ACOX3: variants seen among roughly 807,000 people sequenced by gnomAD.
ACOX3 encodes acyl-CoA oxidase 3, pristanoyl.
ACOX3 carries 73 observed loss-of-function variants against 81.5 expected under a neutral mutation model. That is an observed-to-expected ratio of 0.90 (90% CI 0.74 to 1.09). The LOEUF (loss-of-function observed/expected upper bound fraction) is 1.09, where lower values mean the gene tolerates loss of function less well. ACOX3 is among the 50% of genes least tolerant of loss of function. The probability of loss-of-function intolerance (pLI) is 0.00; values close to 1 mark genes in which losing one functional copy is unlikely to be tolerated. For synonymous variants in ACOX3, 387 were observed against 375.1 expected (o/e 1.03, Z -0.37); for missense variants, 947 against 928.0 (o/e 1.02, Z -0.27).
At chr4:8,372,680 G>A (rs1368223810) in intron 16 of ACOX3, among the ~76,000 whole-genome samples, 2 of 152,238 alleles carry the variant, frequency 1.3e-5, no homozygotes, top group South Asian at 2.1e-4. Context: ...TCCCGAGAGA[G>A]GCTCAGAGCC....
chr4:8,391,224 T>G (rs1034369121), intron 11 of ACOX3, among the ~76,000 whole-genome samples: 1 of 152,196 alleles, frequency 6.6e-6, no homozygotes, highest in Non-Finnish European at 1.5e-5. Context: ...GAGTAACTTG[T>G]GTACAGCCAT....
At chr4:8,356,179 A>C in the ACOX3 span, 1 of 265,238 alleles carries the variant, frequency 3.8e-6, no homozygotes, top group Non-Finnish European at 7.5e-6. Flanking sequence ...CAGCAGGATG[A>C]GGAAGATTCT....
At chr4:8,420,323 T>C (rs2109002212) in intron 1 of ACOX3, among the ~76,000 whole-genome samples, 1 of 152,328 alleles carries the variant, frequency 6.6e-6, no homozygotes, top group Non-Finnish European at 1.5e-5. Flanking sequence ...TGGGTGACCT[T>C]CCTAAGATCT....
intron 1 of ACOX3, among the ~76,000 whole-genome samples, chr4:8,433,587 T>C (rs1052729048): frequency 7.2e-5 from 11 of 152,362 alleles, no homozygotes; most frequent in Non-Finnish European, 1.6e-4. Context: ...AAACACTGAA[T>C]GGGCTAGGGT....
chr4:8,416,149 G>A lies in ACOX3; in HGVS notation c.145-150C>T. ...CAGAGATATGACTATCATTCCCAAT[G>A]GACTAGAGGACTGGAGGCTTAAGAA... On this transcript the variant is annotated intron_variant, in intron 2 of 17. Coordinates refer to ENST00000356406, the MANE Select transcript of ACOX3 (RefSeq NM_003501.3). The surrounding 1 kb of genome is among the most constrained non-coding windows in gnomAD (Gnocchi z 4.2). 2.1e-6 allele frequency: 2 copies of A among 973,888 alleles called. No individual in the cohort carries two copies. The highest frequency in any genetic ancestry group is 3.1e-6 in the Non-Finnish European group (2 of 651,096). The allele number at this position is 973,888 out of a possible 1,614,324, so 60.3% of individuals were successfully genotyped here.
At chr4:8,433,415 G>A (rs2109047193) in intron 1 of ACOX3, among the ~76,000 whole-genome samples, 1 of 152,370 alleles carries the variant, frequency 6.6e-6, no homozygotes, top group East Asian at 1.9e-4. Context: ...GCCAATGATT[G>A]CTGGCAACCA....
chr4:8,368,947 T>C lies in ACOX3; in HGVS notation c.1984-1867A>G, dbSNP rs907781081. On this transcript the variant is annotated intron_variant, in intron 17 of 17. Coordinates refer to ENST00000356406, the MANE Select transcript of ACOX3 (RefSeq NM_003501.3). This position sits in a 1 kb window ranked among gnomAD's most constrained non-coding sequence, Gnocchi z 5.9. Reference sequence around the variant, plus strand: ...CGCCCGCCTCAGCCTTCCAAAGTGCTAGGATAACAGGTGTGAGCCACCATG... The same window carrying C: ...CGCCCGCCTCAGCCTTCCAAAGTGCCAGGATAACAGGTGTGAGCCACCATG... Among the ~76,000 whole-genome samples the C allele has an allele frequency of 6.6e-5, 10 of 152,124 alleles. No homozygotes were observed. Among genetic ancestry groups the C allele is most frequent in the Admixed American group, 1.3e-4 (2 of 15,276 alleles).
chr4:8,438,103 A>C (rs1163699423), intron 1 of ACOX3, among the ~76,000 whole-genome samples: 2 of 152,258 alleles, frequency 1.3e-5, no homozygotes, highest in Non-Finnish European at 2.9e-5. Flanking sequence ...CTCATGCTGG[A>C]GGCTATCGGT....
chr4:8,375,423 G>A (rs1400952271), intron 14 of ACOX3, among the ~76,000 whole-genome samples: 1 of 152,236 alleles, frequency 6.6e-6, no homozygotes, highest in South Asian at 2.1e-4. Flanking sequence ...TCCCGTCTGG[G>A]ACTGGGGTTG....
Position 8,387,318 on chromosome 4 carries a change from G to A in ACOX3, c.1537+1855C>T, listed in dbSNP as rs560740798. On this transcript the variant is annotated intron_variant, in intron 13 of 17. Transcript: ENST00000356406. The stretch of plus-strand genomic sequence containing the variant: ...CTGAGGGACTTGGTGTAGGTTCCAC[G>A]GCCAGCAGGAGGAGGGACCGGGATC... 1.6e-3 allele frequency among the ~76,000 whole-genome samples: 241 copies of A among 152,292 alleles called. 2 individuals are homozygous for A. The highest frequency in any genetic ancestry group is 1.9e-3 in the East Asian group (10 of 5,168).
At position 8,394,580 on chromosome 4, in the gene ACOX3, G is replaced by A. The variant is rs1165498881; in HGVS notation, c.1179+40C>T. 2 of 1,607,664 alleles carry A rather than the reference G, an allele frequency of 1.2e-6. No individual in the cohort carries two copies. The highest frequency in any genetic ancestry group is 3.3e-5 in the Admixed American group (2 of 59,810). ...AATCTATGCTGCTCCAACCGTGTGA[G>A]ATTTAAACGATGCTGCTGAGGAAGC... On this transcript the variant is annotated intron_variant, in intron 10 of 17. Coordinates refer to ENST00000356406, the MANE Select transcript of ACOX3 (RefSeq NM_003501.3). This position sits in a 1 kb window ranked among gnomAD's most constrained non-coding sequence, Gnocchi z 5.9.
At chr4:8,378,779 A>G (rs1717287163) in intron 14 of ACOX3, among the ~76,000 whole-genome samples, 1 of 152,244 alleles carries the variant, frequency 6.6e-6, no homozygotes, top group African/African-American at 2.4e-5. Context: ...AATGGTGGAT[A>G]GCAGTTACTG....
intron 14 of ACOX3, among the ~76,000 whole-genome samples, chr4:8,379,846 T>G (rs1481974576): frequency 6.6e-6 from 1 of 152,220 alleles, no homozygotes; most frequent in Admixed American, 6.5e-5. Flanking sequence ...AGTGCAGTGA[T>G]GTGATCACGG....
At chr4:8,433,229 C>T (rs1156814415) in intron 1 of ACOX3, among the ~76,000 whole-genome samples, 1 of 152,236 alleles carries the variant, frequency 6.6e-6, no homozygotes, top group African/African-American at 2.4e-5. Flanking sequence ...GCTCCCTAAT[C>T]TCAGTGACTG....
intron 1 of ACOX3, among the ~76,000 whole-genome samples, chr4:8,434,371 G>A (rs1724109974): frequency 6.6e-6 from 1 of 152,184 alleles, no homozygotes; most frequent in Non-Finnish European, 1.5e-5. Flanking sequence ...TCTGCAGCTC[G>A]TCCTGCTACA....
chr4:8,382,817 C>G lies in ACOX3; in HGVS notation c.1538-1210G>C, dbSNP rs2108829420. ...ACCATCCTGGCTAACACGGTGAAAC[C>G]CCGTCTCTACTAAAAATACAAAAAA... On this transcript the variant is annotated intron_variant, in intron 13 of 17. Coordinates refer to ENST00000356406, the MANE Select transcript of ACOX3 (RefSeq NM_003501.3). This position sits in a 1 kb window ranked among gnomAD's most constrained non-coding sequence, Gnocchi z 4.1. 2.0e-5 allele frequency among the ~76,000 whole-genome samples: 3 copies of G among 151,928 alleles called. No individual in the cohort carries two copies. In the East Asian group the frequency reaches 5.8e-4, roughly 30 times the overall value.
chr4:8,373,518 G>T, intron 16 of ACOX3, 43 bp downstream of exon 16: 2 of 1,604,778 alleles, frequency 1.2e-6, no homozygotes, highest in South Asian at 2.2e-5. Flanking sequence ...CTGGGCGGTT[G>T]TGTAACATGG....
rs143028175 is a variant in ACOX3, at chr4:8,384,491, C to T, written c.1538-2884G>A. 2.0e-5 allele frequency among the ~76,000 whole-genome samples: 3 copies of T among 152,176 alleles called. No individual in the cohort carries two copies. The highest frequency in any genetic ancestry group is 2.9e-5 in the Non-Finnish European group (2 of 68,030). On this transcript the variant is annotated intron_variant, in intron 13 of 17. Coordinates refer to ENST00000356406, the MANE Select transcript of ACOX3 (RefSeq NM_003501.3). This position sits in a 1 kb window ranked among gnomAD's most constrained non-coding sequence, Gnocchi z 5.3. ...GCTGGCGGCCTGAGGACACACCCAG[C>T]GTCAACAACCTCTGTCCTCAAGACT...
Position 8,399,336 on chromosome 4 carries a change from C to T in ACOX3, c.873+220G>A, listed in dbSNP as rs182411889. Among the ~76,000 whole-genome samples the T allele has an allele frequency of 2.2e-3, 330 of 152,310 alleles. No individual in the cohort carries two copies. The highest frequency in any genetic ancestry group is 0.01 in the Middle Eastern group (3 of 294). On this transcript the variant is annotated intron_variant, in intron 8 of 17. Coordinates refer to ENST00000356406, the MANE Select transcript of ACOX3 (RefSeq NM_003501.3). The surrounding 1 kb of genome is among the most constrained non-coding windows in gnomAD (Gnocchi z 4.9). Reference sequence around the variant, plus strand: ...GATGGGGAGTGGGCATTGTAAGGCCCGGACTCACCCCCTGGACACCAGCAC... The same window carrying T: ...GATGGGGAGTGGGCATTGTAAGGCCTGGACTCACCCCCTGGACACCAGCAC...
Sources: gnomAD v4.1 joint callset for allele counts (sites outside exome capture counted in the v4.1 genomes callset) on GRCh38, gnomAD v4.1.1 for gene constraint, Gnocchi (gnomAD v3.1) non-coding constraint, MANE v1.5 for transcripts, NCBI Gene and HGNC (gene_info 2026-07-23, HGNC 2026-07-21) for gene names.